The following AIM2 variants were observed in gnomAD, a reference collection of about 807,000 sequenced individuals.
AIM2 encodes interferon-inducible protein AIM2.
Under a neutral mutation model 27.7 loss-of-function variants are expected in AIM2, and 30 were observed. The ratio of observed to expected loss-of-function variants is 1.08; its 90% CI spans 0.81 to 1.47. The LOEUF is 1.47. Ranked by LOEUF, AIM2 falls within the 40% of genes most tolerant of loss-of-function variation. The pLI is 0.00. For missense variants in AIM2, 358 were observed against 411.3 expected (o/e 0.87, Z 1.12); for synonymous variants, 141 against 145.3 (o/e 0.97, Z 0.21).
At chr1:159,087,910 A>T (rs1656956004) in intron 1 of AIM2, among the ~76,000 whole-genome samples, 1 of 152,076 alleles carries the variant, frequency 6.6e-6, no homozygotes. Context: ...TAAGTGGCAG[A>T]GTTTGGTAGA....
chr1:159,098,147 C>T (rs1281689950), intron 1 of AIM2, among the ~76,000 whole-genome samples: 1 of 147,920 alleles, frequency 6.8e-6, no homozygotes, highest in Admixed American at 6.7e-5. Flanking sequence ...ATATCCAAAT[C>T]CTTTTGAGAC....
downstream of AIM2, among the ~76,000 whole-genome samples, chr1:159,061,735 T>C (rs1655845281): frequency 6.6e-6 from 1 of 152,030 alleles, no homozygotes; most frequent in Admixed American, 6.6e-5. Flanking sequence ...GCTGTGTGAC[T>C]AACAAATATT....
intron 1 of AIM2, among the ~76,000 whole-genome samples, chr1:159,136,833 T>A (rs567024270): frequency 6.6e-6 from 1 of 152,314 alleles, no homozygotes; most frequent in African/African-American, 2.4e-5. Context: ...AGTTTAAAAA[T>A]AAGTGATCTC....
chr1:159,081,328 G>A (rs1656770299), upstream of AIM2: 2 of 250,952 alleles, frequency 8.0e-6, no homozygotes, highest in Admixed American at 5.5e-5. Flanking sequence ...ACCTGGGTCT[G>A]ATTACAATGA....
At chr1:159,120,892 A>C (rs1647519429) in intron 1 of AIM2, among the ~76,000 whole-genome samples, 1 of 152,238 alleles carries the variant, frequency 6.6e-6, no homozygotes, top group Non-Finnish European at 1.5e-5. Flanking sequence ...CAACACGGGC[A>C]ACAACTGATT....
chr1:159,119,159 G>A (rs556418683), intron 1 of AIM2, among the ~76,000 whole-genome samples: 11 of 152,058 alleles, frequency 7.2e-5, no homozygotes, highest in African/African-American at 1.2e-4. Flanking sequence ...GACATGAATC[G>A]GAACGCTTGT....
chr1:159,068,755 CA>C, intron 2 of AIM2, 54 bp from the exon 3 acceptor site: 1 of 1,535,010 alleles, frequency 6.5e-7, no homozygotes, highest in South Asian at 1.2e-5. Context: ...ATGAGCAGTG[CA>C]CATTTTCAAA....
In AIM2 at chr1:159,062,670, T is replaced by C. The variant is rs1557889291; in HGVS notation, c.*22A>G. 1 of 1,612,080 alleles carries C rather than the reference T, an allele frequency of 6.2e-7. No individual in the cohort carries two copies. The highest frequency in any genetic ancestry group is 8.5e-7 in the Non-Finnish European group (1 of 1,178,488). ...TAAATGCTGCTTAGACCAGTTGGCT[T>C]GAATTGGTCCTTTTTACTTCTCTAT... On this transcript the variant is annotated 3_prime_UTR_variant, in exon 6 of 6. Coordinates refer to ENST00000368130, the MANE Select transcript of AIM2 (RefSeq NM_004833.3).
In AIM2 at chr1:159,062,607, C is replaced by G. The variant is rs189275327; in HGVS notation, c.*85G>C. On this transcript the variant is annotated 3_prime_UTR_variant, in exon 6 of 6. Coordinates refer to ENST00000368130, the MANE Select transcript of AIM2 (RefSeq NM_004833.3). ...TGAACTGCAGCTTTCAGGTAACTTACAATCTGATTGAAGAGGCTGTATCAC... is the reference window on the plus strand; with the variant it reads ...TGAACTGCAGCTTTCAGGTAACTTAGAATCTGATTGAAGAGGCTGTATCAC... 1 of 1,337,760 alleles carries G rather than the reference C, an allele frequency of 7.5e-7. No individual in the cohort carries two copies. The highest frequency in any genetic ancestry group is 2.3e-5 in the East Asian group (1 of 43,404). The allele number at this position is 1,337,760 out of a possible 1,614,324, so 82.9% of individuals were successfully genotyped here.
intron 1 of AIM2, among the ~76,000 whole-genome samples, chr1:159,126,946 G>A (rs868383160): frequency 3.3e-5 from 5 of 152,032 alleles, no homozygotes; most frequent in African/African-American, 4.8e-5. Context: ...CAAGAACATG[G>A]ACAAACCTCA....
intron 1 of AIM2, among the ~76,000 whole-genome samples, chr1:159,094,543 A>G (rs1270566188): frequency 6.6e-6 from 1 of 152,146 alleles, no homozygotes; most frequent in Non-Finnish European, 1.5e-5. Context: ...CTAAAAATAT[A>G]AAAACTTAGC....
At chr1:159,128,271 A>T (rs2102047095) in intron 1 of AIM2, among the ~76,000 whole-genome samples, 1 of 151,602 alleles carries the variant, frequency 6.6e-6, no homozygotes, top group East Asian at 1.9e-4. Context: ...ACACACACAC[A>T]CACACACACA....
intron 2 of AIM2, 40 bp downstream of exon 2, chr1:159,073,198 C>A: frequency 6.2e-7 from 1 of 1,609,262 alleles, no homozygotes. Context: ...CCAGGCTTGG[C>A]AGAAAAAGGG....
chr1:159,081,622 G>T, upstream of AIM2: 1 of 384,292 alleles, frequency 2.6e-6, no homozygotes. Flanking sequence ...GCATCCAAGG[G>T]TCACCATAAC....
intron 1 of AIM2, among the ~76,000 whole-genome samples, chr1:159,133,794 G>A (rs1647955687): frequency 6.6e-6 from 1 of 152,076 alleles, no homozygotes; most frequent in Non-Finnish European, 1.5e-5. Flanking sequence ...ATTAAATGCT[G>A]AAGTTCCTCT....
chr1:159,104,346 T>C (rs1366657621), intron 1 of AIM2, among the ~76,000 whole-genome samples: 1 of 152,174 alleles, frequency 6.6e-6, no homozygotes, highest in Non-Finnish European at 1.5e-5. Context: ...CTCTCAAACA[T>C]CCTAAATGTG....
rs146644182 is a variant in AIM2 at position 159,112,983 on chromosome 1, C to T, written c.-16+27448G>A. 7.7e-3 allele frequency among the ~76,000 whole-genome samples: 1,157 copies of T among 150,914 alleles called. 13 individuals are homozygous for T. The highest frequency in any genetic ancestry group is 0.026 in the African/African-American group (1,078 of 40,814). On this transcript the variant is annotated intron_variant, in intron 1 of 2. Transcript: ENST00000368129. ...TTTTTGGGACGGAGTCTCACTCTGT[C>T]GCCCAGGCTGGAGTGCAGTGGCGCG...
rs1655875337 is a variant in AIM2 at position 159,062,598 on chromosome 1, G to A, written c.*94C>T. Reference sequence around the variant, plus strand: ...AGGAGCCTGTGAACTGCAGCTTTCAGGTAACTTACAATCTGATTGAAGAGG... The same window carrying A: ...AGGAGCCTGTGAACTGCAGCTTTCAAGTAACTTACAATCTGATTGAAGAGG... On this transcript the variant is annotated 3_prime_UTR_variant, in exon 6 of 6. Coordinates refer to ENST00000368130, the MANE Select transcript of AIM2 (RefSeq NM_004833.3). The A allele has an allele frequency of 8.1e-7, 1 of 1,240,470 alleles. No individual in the cohort carries two copies. Among genetic ancestry groups the A allele is most frequent in the South Asian group, 1.3e-5 (1 of 77,994 alleles). 76.8% of individuals were successfully genotyped at this position (1,240,470 alleles called of 1,614,324 possible). A position where few individuals can be genotyped will look rare whatever the true frequency, so the allele number is the denominator to read the frequency against.
chr1:159,083,531 A>T (rs190695664), intron 1 of AIM2, among the ~76,000 whole-genome samples: 13 of 152,294 alleles, frequency 8.5e-5, no homozygotes, highest in Admixed American at 5.2e-4. Context: ...AATAAATTTA[A>T]AACATAAATA....
Sources: gnomAD v4.1 joint callset for allele counts (sites outside exome capture counted in the v4.1 genomes callset) on GRCh38, gnomAD v4.1.1 for gene constraint, MANE v1.5 for transcripts, NCBI Gene and HGNC (gene_info 2026-07-23, HGNC 2026-07-21) for gene names.